Variants in CASK observed in about 807,000 individuals in gnomAD.
The protein encoded by CASK is peripheral plasma membrane protein CASK.
Under a neutral mutation model 82.9 loss-of-function variants are expected in CASK, and 4 were observed. The observed-to-expected ratio is 0.05, with a 90% CI of 0.02 to 0.11. CASK has a LOEUF of 0.11. Among genes scored for constraint, CASK ranks in the 10% least tolerant of loss-of-function variants. CASK has a pLI of 1.00. For missense variants in CASK, 358 were observed against 720.9 expected (o/e 0.50, Z 5.76); for synonymous variants, 259 against 253.5 (o/e 1.02, Z -0.20).
In CASK at chrX:41,896,255, A is replaced by G. The variant is rs763914319; in HGVS notation, c.59+26675T>C. Among the ~76,000 whole-genome samples the G allele has an allele frequency of 2.7e-5, 3 of 112,025 alleles. No individual in the cohort carries two copies. The East Asian group carries it at 8.4e-4, about 31-fold the overall frequency. ...CCCATAAATAGCCAGGTTTCCCTCA[A>G]TCACACCACATGAGGTCCATCACTG... On this transcript the variant is annotated intron_variant, in intron 1 of 26. Coordinates refer to ENST00000378163, the MANE Select transcript of CASK (RefSeq NM_001367721.1).
chrX:41,656,816 C>CT (rs2066948980), intron 8 of CASK, among the ~76,000 whole-genome samples: 1 of 110,764 alleles, frequency 9.0e-6, no homozygotes, highest in African/African-American at 3.3e-5. Context: ...TTTTTCTTTC[C>CT]TTCTTTCCCA....
chrX:41,835,350 G>A (rs754304128), intron 2 of CASK, among the ~76,000 whole-genome samples: 1 of 111,676 alleles, frequency 9.0e-6, no homozygotes, highest in South Asian at 3.8e-4. Flanking sequence ...CACCATGCCT[G>A]GCCACTGTAC....
intron 5 of CASK, among the ~76,000 whole-genome samples, chrX:41,726,435 T>C (rs1229269543): frequency 2.7e-5 from 3 of 111,986 alleles, no homozygotes; most frequent in African/African-American, 9.8e-5. Flanking sequence ...TAGAACTGAG[T>C]TAACTTCTGA....
intron 5 of CASK, among the ~76,000 whole-genome samples, chrX:41,694,202 GTTC>G: frequency 8.9e-6 from 1 of 112,627 alleles, no homozygotes; most frequent in African/African-American, 3.2e-5. Flanking sequence ...CCAGGATTAA[GTTC>G]TTCTTATGCA....
intron 16 of CASK, 156 bp from the exon 17 acceptor site, chrX:41,561,800 C>T (rs975045859): frequency 2.6e-5 from 12 of 467,602 alleles, no homozygotes; most frequent in African/African-American, 4.9e-5. Flanking sequence ...AATTATTTAA[C>T]TCATGTAGTA....
chrX:41,674,236 G>A (rs1445569023), intron 5 of CASK, among the ~76,000 whole-genome samples: 1 of 110,746 alleles, frequency 9.0e-6, no homozygotes, highest in East Asian at 2.8e-4. Flanking sequence ...AAAGGAAGCA[G>A]GGTGCCTTAG....
chrX:41,701,897 T>C (rs964844348), intron 5 of CASK, among the ~76,000 whole-genome samples: 13 of 112,378 alleles, frequency 1.2e-4, no homozygotes, highest in Non-Finnish European at 2.3e-4. Flanking sequence ...TTTACATATG[T>C]AGGGATGCAA....
chrX:41,653,352 A>G (rs907676056), intron 8 of CASK, among the ~76,000 whole-genome samples: 1 of 112,283 alleles, frequency 8.9e-6, no homozygotes, highest in African/African-American at 3.2e-5. Flanking sequence ...CAATTGCTAA[A>G]GGTAAAAGTT....
rs1396004482 is a variant in CASK, at chrX:41,609,943, G to C, written c.1116C>G (p.His372Gln). The change falls in exon 12 of 27, where the codon CAC (histidine) becomes CAG (glutamine). Residue 372 changes from histidine to glutamine, a missense_variant. Physicochemically the swap from His to Gln is conservative, Grantham distance 24 (BLOSUM62 0). This residue lies in a region of CASK where 110 missense variants were observed against 218.8 expected (regional missense o/e 0.50). Coordinates refer to ENST00000378163, the MANE Select transcript of CASK (RefSeq NM_001367721.1). ...DCSEKDLDFL[H>Q]SVFQDQHLHT... The stretch of plus-strand genomic sequence containing the variant: ...GAAGATGCTGATCCTGGAAAACACT[G>C]TGTAGAAAATCTAGGTCCTTTTCAC... The C allele has an allele frequency of 1.7e-6, 2 of 1,206,184 alleles. No homozygotes were observed. The highest frequency in any genetic ancestry group is 1.7e-5 in the African/African-American group (1 of 57,191).
intron 24 of CASK, among the ~76,000 whole-genome samples, chrX:41,533,443 A>G (rs5963258): frequency 0.022 from 2,411 of 112,020 alleles, 63 homozygotes; most frequent in African/African-American, 0.074. Flanking sequence ...TCTTGTGTAA[A>G]TCAGACAAGG....
chrX:41,905,247 C>T (rs964058779), intron 1 of CASK, among the ~76,000 whole-genome samples: 16 of 112,068 alleles, frequency 1.4e-4, no homozygotes, highest in African/African-American at 5.2e-4. Flanking sequence ...CTCTTGGGCA[C>T]ATACCTAGGA....
chrX:41,906,771 A>C (rs2072477044), intron 1 of CASK, among the ~76,000 whole-genome samples: 1 of 113,061 alleles, frequency 8.8e-6, no homozygotes, highest in Non-Finnish European at 1.9e-5. Context: ...GAGGTTGTTC[A>C]GATGATTCAT....
At chrX:41,886,706 G>A (rs180829318) in intron 1 of CASK, among the ~76,000 whole-genome samples, 1 of 111,818 alleles carries the variant, frequency 8.9e-6, no homozygotes, top group Admixed American at 9.5e-5. Flanking sequence ...ATTCTGGCCA[G>A]ATGAGAAGAT....
intron 2 of CASK, chrX:41,790,125 T>C (rs2069685212): frequency 1.4e-6 from 1 of 726,530 alleles, no homozygotes; most frequent in Non-Finnish European, 1.8e-6. Context: ...GAGACTTTTT[T>C]TTTTCTTTCA....
intron 16 of CASK, among the ~76,000 whole-genome samples, chrX:41,568,423 A>T (rs1220252852): frequency 9.0e-6 from 1 of 110,819 alleles, no homozygotes. Flanking sequence ...CAATGATGCC[A>T]GACATCATGT....
intron 5 of CASK, among the ~76,000 whole-genome samples, chrX:41,682,718 C>A (rs187308354): frequency 5.9e-4 from 63 of 107,217 alleles, no homozygotes; most frequent in African/African-American, 2.1e-3. Flanking sequence ...CTCAAGCGAT[C>A]CTCCTGCCTC....
At position 41,515,159 on chromosome X, in the gene CASK, C is replaced by T. The variant is rs1302069798; in HGVS notation, c.*5261G>A. 8 of 112,138 alleles carry T rather than the reference C, an allele frequency of 7.1e-5. No homozygotes were observed. In the Admixed American group the frequency reaches 7.6e-4, roughly 11 times the overall value. 9.2% of individuals were successfully genotyped at this position (112,138 alleles called of 1,213,427 possible). On this transcript the variant is annotated 3_prime_UTR_variant, in exon 27 of 27. Coordinates refer to ENST00000378163, the MANE Select transcript of CASK (RefSeq NM_001367721.1). ...CATTCTGGTTGTTCCGGCGACAGGG[C>T]AAAGGGATCAGGATGGGAGGGCGTG...
intron 5 of CASK, among the ~76,000 whole-genome samples, chrX:41,700,457 T>C (rs919047627): frequency 9.0e-6 from 1 of 110,972 alleles, no homozygotes; most frequent in African/African-American, 3.3e-5. Context: ...AATATATTCT[T>C]ATCCTTCAGT....
intron 11 of CASK, among the ~76,000 whole-genome samples, chrX:41,620,985 G>C (rs1474405155): frequency 2.7e-5 from 3 of 111,122 alleles, no homozygotes; most frequent in Non-Finnish European, 5.7e-5. Flanking sequence ...AAACATCTTC[G>C]AGCACAGATT....
Sources: gnomAD v4.1 joint callset for allele counts (sites outside exome capture counted in the v4.1 genomes callset) on GRCh38, gnomAD v4.1.1 for gene constraint, gnomAD v4.1.1 regional missense constraint, MANE v1.5 for transcripts, NCBI Gene and HGNC (gene_info 2026-07-23, HGNC 2026-07-21) for gene names.